The following ZPLD1 variants were observed in gnomAD, a reference collection of about 807,000 sequenced individuals.
ZPLD1 encodes zona pellucida-like domain-containing protein 1.
A neutral mutation model predicts 47.2 loss-of-function variants in ZPLD1; 34 were observed. The observed-to-expected ratio is 0.72, with a 90% CI of 0.55 to 0.96. The LOEUF is 0.96. Among genes scored for constraint, ZPLD1 ranks in the 40% least tolerant of loss-of-function variants. ZPLD1 has a pLI of 0.00. For missense variants in ZPLD1, 512 were observed against 505.8 expected, an observed-to-expected ratio of 1.01 and a Z score of -0.12; for synonymous variants, 176 against 186.2, an observed-to-expected ratio of 0.95 and a Z score of 0.45.
intron 10 of ZPLD1, among the ~76,000 whole-genome samples, chr3:102,474,603 A>T (rs886073144): frequency 7.9e-5 from 12 of 152,106 alleles, no homozygotes; most frequent in African/African-American, 2.9e-4. Flanking sequence ...AGTTTTTTAA[A>T]AAAAAAACTT....
intron 3 of ZPLD1, among the ~76,000 whole-genome samples, chr3:102,448,312 A>T (rs1483341880): frequency 6.6e-6 from 1 of 152,216 alleles, no homozygotes; most frequent in Non-Finnish European, 1.5e-5. Context: ...GTTGTTTAGT[A>T]GTCTTGAACA....
chr3:102,415,767 T>C (rs1278492543), intron 7 of ZPLD1, among the ~76,000 whole-genome samples: 4 of 151,884 alleles, frequency 2.6e-5, no homozygotes, highest in African/African-American at 9.7e-5. Flanking sequence ...TTTCATTTTC[T>C]AACTGGAGTA....
rs141972638 is a variant in ZPLD1 at position 102,396,386 on chromosome 3, C to G, written c.-157+4161C>G. Among the ~76,000 whole-genome samples, 940 of 152,214 alleles carry G rather than the reference C, an allele frequency of 6.2e-3. 6 individuals carry two copies. The highest frequency in any genetic ancestry group is 0.021 in the African/African-American group (892 of 41,528). On this transcript the variant is annotated intron_variant, in intron 7 of 17. Transcript: ENST00000491959. ...AGTGAAAATTAAATTGCATGTGATGCTACCAACGCACCGAACTCAGACAAG... is the reference window on the plus strand; with the variant it reads ...AGTGAAAATTAAATTGCATGTGATGGTACCAACGCACCGAACTCAGACAAG...
At chr3:102,418,813 A>G (rs1462997885) in intron 8 of ZPLD1, among the ~76,000 whole-genome samples, 1 of 152,050 alleles carries the variant, frequency 6.6e-6, no homozygotes, top group African/African-American at 2.4e-5. Context: ...TATTCTAATG[A>G]TTGGCCTAGT....
chr3:102,440,936 G>A (rs1301956959), intron 3 of ZPLD1, among the ~76,000 whole-genome samples: 2 of 152,116 alleles, frequency 1.3e-5, no homozygotes, highest in Non-Finnish European at 2.9e-5. Flanking sequence ...AGCAATCAAT[G>A]GTACAGATGA....
At chr3:102,471,075 G>A (rs946978433) in intron 10 of ZPLD1, among the ~76,000 whole-genome samples, 1 of 152,044 alleles carries the variant, frequency 6.6e-6, no homozygotes, top group South Asian at 2.1e-4. Flanking sequence ...AGCTCATGCT[G>A]GACGTGTGTA....
intron 10 of ZPLD1, among the ~76,000 whole-genome samples, chr3:102,471,028 T>A (rs1367880959): frequency 6.6e-6 from 1 of 152,086 alleles, no homozygotes; most frequent in African/African-American, 2.4e-5. Flanking sequence ...CCACCCACCT[T>A]GGCCTCCCAA....
At chr3:102,476,670 C>T (rs1018323213) in intron 10 of ZPLD1, among the ~76,000 whole-genome samples, 8 of 152,068 alleles carry the variant, frequency 5.3e-5, no homozygotes, top group African/African-American at 1.9e-4. Context: ...ATTACTGCCC[C>T]CACCAGCCTG....
At chr3:102,392,657 C>G (rs1706510734) in intron 7 of ZPLD1, among the ~76,000 whole-genome samples, 1 of 151,846 alleles carries the variant, frequency 6.6e-6, no homozygotes, top group African/African-American at 2.4e-5. Context: ...GTAAATCCAT[C>G]AATCTATGAA....
intron 2 of ZPLD1, among the ~76,000 whole-genome samples, chr3:102,437,409 C>G (rs1382366689): frequency 1.3e-5 from 2 of 152,086 alleles, no homozygotes; most frequent in Non-Finnish European, 2.9e-5. Flanking sequence ...CTTCCTTTTC[C>G]TAAAGACTTG....
chr3:102,460,311 C>A (rs1445103897), intron 6 of ZPLD1, among the ~76,000 whole-genome samples: 1 of 151,970 alleles, frequency 6.6e-6, no homozygotes, highest in Non-Finnish European at 1.5e-5. Context: ...AAAAGTTGCA[C>A]TCAGTTCGAT....
chr3:102,416,370 G>T lies in ZPLD1; in HGVS notation c.-156-1690G>T, dbSNP rs375179458. 8.0e-4 allele frequency among the ~76,000 whole-genome samples: 121 copies of T among 152,016 alleles called. 2 individuals carry two copies. The South Asian group carries it at 0.024, about 30-fold the overall frequency. On this transcript the variant is annotated intron_variant, in intron 7 of 17. Coordinates refer to the ZPLD1 transcript ENST00000491959. ...CATTTTCTTATAGGACAGAGCTACT[G>T]ATTTTTTCTATAAATGACAGAATTT...
chr3:102,389,766 A>G (rs1361195330), intron 6 of ZPLD1, among the ~76,000 whole-genome samples: 2 of 152,166 alleles, frequency 1.3e-5, no homozygotes, highest in African/African-American at 4.8e-5. Flanking sequence ...GATCCGATGG[A>G]TGGCATATTC....
chr3:102,409,039 A>G (rs1206608499), intron 7 of ZPLD1, among the ~76,000 whole-genome samples: 2 of 151,838 alleles, frequency 1.3e-5, no homozygotes, highest in East Asian at 3.9e-4. Context: ...TTCTGCTGCT[A>G]CAACAGAATA....
intron 3 of ZPLD1, among the ~76,000 whole-genome samples, chr3:102,442,459 G>T (rs1385770315): frequency 6.6e-6 from 1 of 152,066 alleles, no homozygotes; most frequent in East Asian, 1.9e-4. Flanking sequence ...AGTCCCGGGA[G>T]AGACTTTATA....
intron 3 of ZPLD1, among the ~76,000 whole-genome samples, chr3:102,449,314 T>C (rs1191501900): frequency 6.6e-6 from 1 of 152,236 alleles, no homozygotes; most frequent in Non-Finnish European, 1.5e-5. Flanking sequence ...CTCCACGCAA[T>C]CTTTCTGTCA....
At chr3:102,469,471 T>C (rs1707649012) in intron 9 of ZPLD1, among the ~76,000 whole-genome samples, 1 of 152,138 alleles carries the variant, frequency 6.6e-6, no homozygotes, top group Admixed American at 6.5e-5. Flanking sequence ...GTATTCACCA[T>C]TGTGAGAGAG....
rs774820024 is a variant in ZPLD1 at position 102,464,262 on chromosome 3, G to A, written c.761+11G>A. The A allele has an allele frequency of 5.7e-6, 9 of 1,589,686 alleles. No homozygotes were observed. The highest frequency in any genetic ancestry group is 7.8e-6 in the Non-Finnish European group (9 of 1,158,136). On this transcript the variant is annotated intron_variant, in intron 8 of 11. Coordinates refer to ENST00000466937, the MANE Select transcript of ZPLD1 (RefSeq NM_001329788.2). ...TGATCTTTTCCTTAGGTAAGACTTAGCTGTCTAAGTATTATATTGATACCA... is the reference window on the plus strand; with the variant it reads ...TGATCTTTTCCTTAGGTAAGACTTAACTGTCTAAGTATTATATTGATACCA...
intron 8 of ZPLD1, among the ~76,000 whole-genome samples, chr3:102,424,581 T>C (rs1427951798): frequency 6.6e-6 from 1 of 152,136 alleles, no homozygotes; most frequent in African/African-American, 2.4e-5. Context: ...CAATCAAAAC[T>C]TGTCTGTGGG....
Sources: gnomAD v4.1 joint callset for allele counts (sites outside exome capture counted in the v4.1 genomes callset) on GRCh38, gnomAD v4.1.1 for gene constraint, MANE v1.5 for transcripts, NCBI Gene and HGNC (gene_info 2026-07-23, HGNC 2026-07-21) for gene names.